CCDC7: variants seen among roughly 807,000 people sequenced by gnomAD.
CCDC7 encodes coiled-coil domain containing 7.
In CCDC7, 183 loss-of-function variants were observed where a neutral mutation model predicts 196.9. The observed-to-expected ratio is 0.93, with a 90% confidence interval of 0.82 to 1.05. CCDC7 has a LOEUF of 1.05. CCDC7 is among the 50% of genes least tolerant of loss of function. CCDC7 has a pLI of 0.00. For synonymous variants in CCDC7, 525 were observed against 484.6 expected, an observed-to-expected ratio of 1.08 and a Z score of -1.10; for missense variants, 1,540 against 1,482.2, an observed-to-expected ratio of 1.04 and a Z score of -0.64.
chr10:32,772,878 C>T (rs1316886930), intron 28 of CCDC7, among the ~76,000 whole-genome samples: 1 of 152,182 alleles, frequency 6.6e-6, no homozygotes, highest in Non-Finnish European at 1.5e-5. Flanking sequence ...GAGCCCTTCA[C>T]CTGACTCGCA....
intron 28 of CCDC7, among the ~76,000 whole-genome samples, chr10:32,761,935 G>A (rs2077525980): frequency 6.6e-6 from 1 of 151,912 alleles, no homozygotes; most frequent in African/African-American, 2.4e-5. Context: ...CTCTCCCACA[G>A]ATGCAGAGAA....
chr10:32,463,370 A>G lies in CCDC7; in HGVS notation c.510+321A>G, dbSNP rs913663702. Among the ~76,000 whole-genome samples the G allele has an allele frequency of 5.9e-5, 9 of 152,298 alleles. No individual in the cohort carries two copies. In the South Asian group the frequency reaches 1.5e-3, roughly 25 times the overall value. On this transcript the variant is annotated intron_variant, in intron 5 of 41. Coordinates refer to ENST00000639629, the Ensembl canonical transcript of CCDC7. ...GTGATGAGAGAACCTTTCACTTTAAATATTTCTACCATATTTTAAAAAATC... is the reference window on the plus strand; with the variant it reads ...GTGATGAGAGAACCTTTCACTTTAAGTATTTCTACCATATTTTAAAAAATC...
chr10:32,608,753 C>G (rs1330279750), intron 18 of CCDC7, among the ~76,000 whole-genome samples: 1 of 152,066 alleles, frequency 6.6e-6, no homozygotes, highest in Non-Finnish European at 1.5e-5. Context: ...GTTTCCCAGG[C>G]TGGTCTCGAA....
intron 11 of CCDC7, among the ~76,000 whole-genome samples, chr10:32,518,739 T>C (rs1395650113): frequency 6.6e-6 from 1 of 152,144 alleles, no homozygotes; most frequent in Non-Finnish European, 1.5e-5. Flanking sequence ...AAGACATTTC[T>C]AGGCCAAATA....
At chr10:32,666,415 T>G (rs1049666166) in intron 21 of CCDC7, among the ~76,000 whole-genome samples, 2 of 152,144 alleles carry the variant, frequency 1.3e-5, no homozygotes, top group African/African-American at 4.8e-5. Flanking sequence ...CTAGGGTACA[T>G]GTACACAACG....
At chr10:32,834,094 A>G (rs2092421887) in intron 32 of CCDC7, among the ~76,000 whole-genome samples, 1 of 152,128 alleles carries the variant, frequency 6.6e-6, no homozygotes, top group South Asian at 2.1e-4. Flanking sequence ...AATCATATCA[A>G]AACTCAAAGG....
chr10:32,816,589 T>G (rs573608497), intron 31 of CCDC7, among the ~76,000 whole-genome samples: 1 of 152,134 alleles, frequency 6.6e-6, no homozygotes, highest in South Asian at 2.1e-4. Context: ...CAACCCCTAG[T>G]AGGGGCAGAC....
At chr10:32,751,146 C>T (rs914807154) in intron 28 of CCDC7, among the ~76,000 whole-genome samples, 3 of 151,886 alleles carry the variant, frequency 2.0e-5, no homozygotes, top group Non-Finnish European at 4.4e-5. Context: ...GGTAAGGTAA[C>T]CCAAACCTTT....
chr10:32,684,000 G>A (rs1039643147), intron 21 of CCDC7, among the ~76,000 whole-genome samples: 2 of 152,174 alleles, frequency 1.3e-5, no homozygotes, highest in Non-Finnish European at 2.9e-5. Flanking sequence ...GGAGACTATG[G>A]CAGTGGCAAA....
intron 13 of CCDC7, among the ~76,000 whole-genome samples, chr10:32,556,021 C>G (rs183227183): frequency 6.6e-6 from 1 of 152,146 alleles, no homozygotes; most frequent in African/African-American, 2.4e-5. Flanking sequence ...GGCCTCAGCT[C>G]ACATCACTCA....
At chr10:32,723,566 A>C (rs2082705591) in intron 25 of CCDC7, among the ~76,000 whole-genome samples, 1 of 152,096 alleles carries the variant, frequency 6.6e-6, no homozygotes, top group African/African-American at 2.4e-5. Flanking sequence ...AAGCCCAAAT[A>C]ATATCCAGCT....
intron 18 of CCDC7, among the ~76,000 whole-genome samples, chr10:32,604,179 C>T (rs1359524182): frequency 6.6e-6 from 1 of 152,114 alleles, no homozygotes; most frequent in Non-Finnish European, 1.5e-5. Flanking sequence ...TTTCCAAGCA[C>T]CATTTTTAGA....
intron 21 of CCDC7, among the ~76,000 whole-genome samples, chr10:32,667,526 C>G (rs2073059124): frequency 6.6e-6 from 1 of 151,964 alleles, no homozygotes; most frequent in South Asian, 2.1e-4. Flanking sequence ...GTCTTTAATC[C>G]ACGTGAATTA....
intron 22 of CCDC7, among the ~76,000 whole-genome samples, chr10:32,688,637 T>C (rs2141198487): frequency 6.6e-6 from 1 of 152,352 alleles, no homozygotes; most frequent in Admixed American, 6.5e-5. Flanking sequence ...GACCACATTA[T>C]AGCCCATAGT....
rs1325370606 is a variant in CCDC7, at chr10:32,700,073, TC to T, written c.2458+5082del. 4.7e-5 allele frequency among the ~76,000 whole-genome samples: 7 copies of T among 149,632 alleles called. 2 individuals are homozygous for T. Among genetic ancestry groups the T allele is most frequent in the African/African-American group, 1.0e-4 (4 of 38,962 alleles). On this transcript the variant is annotated intron_variant, in intron 24 of 41. Coordinates refer to ENST00000639629, the Ensembl canonical transcript of CCDC7. ...CTTCAGTTTAATTAGATCCAATTTG[TC>T]AATTTTGGCTTTTGTTGCCATTGCT...
At chr10:32,782,450 A>T (rs1324364834) in intron 29 of CCDC7, among the ~76,000 whole-genome samples, 1 of 151,832 alleles carries the variant, frequency 6.6e-6, no homozygotes, top group Non-Finnish European at 1.5e-5. Context: ...CTGGTCTCAA[A>T]CTCCTGACCT....
In CCDC7 at chr10:32,451,821, A is replaced by C. The variant is rs775462645; in HGVS notation, c.179A>C (p.Glu60Ala). The change falls in exon 1 of 42, where the codon GAA (glutamate) becomes GCA (alanine). Residue 60 changes from glutamate to alanine, a missense_variant. Physicochemically the swap from Glu to Ala is moderately radical, Grantham distance 107. Coordinates refer to ENST00000639629, the Ensembl canonical transcript of CCDC7. ...GTCCTAAGATCTCCACCAACAGGAGAATCCATTTTACGGTATGCTTTGCCC... is the reference window on the plus strand; with the variant it reads ...GTCCTAAGATCTCCACCAACAGGAGCATCCATTTTACGGTATGCTTTGCCC... The C allele has an allele frequency of 1.2e-5, 20 of 1,614,214 alleles. No homozygotes were observed. The South Asian group carries it at 2.2e-4, about 18-fold the overall frequency.
At position 32,708,653 on chromosome 10, in the gene CCDC7, G is replaced by C. The variant is rs182495849; in HGVS notation, c.2459-2967G>C. ...AAATCAAACAACCCCATCAAAAAGT[G>C]GGCGAAGCATATGAACAGACACTTC... On this transcript the variant is annotated intron_variant, in intron 24 of 41. Transcript: ENST00000639629. 3.3e-5 allele frequency among the ~76,000 whole-genome samples: 5 copies of C among 152,286 alleles called. No homozygotes were observed. In the East Asian group the frequency reaches 9.6e-4, roughly 29 times the overall value.
At chr10:32,754,002 G>C (rs1039517554) in intron 28 of CCDC7, among the ~76,000 whole-genome samples, 1 of 151,774 alleles carries the variant, frequency 6.6e-6, no homozygotes, top group Admixed American at 6.6e-5. Flanking sequence ...CATGTTTCAT[G>C]ATGAAATGAA....
Sources: gnomAD v4.1 joint callset for allele counts (sites outside exome capture counted in the v4.1 genomes callset) on GRCh38, gnomAD v4.1.1 for gene constraint, MANE v1.5 for transcripts, NCBI Gene and HGNC (gene_info 2026-07-23, HGNC 2026-07-21) for gene names.